The following CENPW variants were observed in gnomAD, a reference collection of about 807,000 sequenced individuals.
CENPW encodes the protein centromere protein W, also known as cancer-up-regulated gene 2 protein.
In CENPW, 3 loss-of-function variants were observed where a neutral mutation model predicts 11.1. That is an observed-to-expected ratio of 0.27 (90% CI 0.12 to 0.70). The LOEUF is 0.70. Among genes scored for constraint, CENPW ranks in the 30% least tolerant of loss-of-function variants. The probability of loss-of-function intolerance (pLI) is 0.77; values close to 1 mark genes in which losing one functional copy is unlikely to be tolerated. For synonymous variants in CENPW, 38 were observed against 42.0 expected, an observed-to-expected ratio of 0.91 and a Z score of 0.37; for missense variants, 100 against 105.6, an observed-to-expected ratio of 0.95 and a Z score of 0.23.
the CENPW span, among the ~76,000 whole-genome samples, chr6:126,476,628 G>A: frequency 6.6e-5 from 10 of 151,918 alleles, no homozygotes; most frequent in African/African-American, 2.4e-4. Flanking sequence ...TTGTAATTCT[G>A]ATACGGGATT....
At chr6:126,444,613 C>G in the CENPW span, among the ~76,000 whole-genome samples, 1 of 150,858 alleles carries the variant, frequency 6.6e-6, no homozygotes, top group Non-Finnish European at 1.5e-5. Flanking sequence ...TCATTTCTGA[C>G]TGTTTCTAAT....
chr6:126,463,013 A>C, the CENPW span, among the ~76,000 whole-genome samples: 13 of 152,192 alleles, frequency 8.5e-5, no homozygotes, highest in Non-Finnish European at 1.6e-4. Context: ...GCTTAATGGG[A>C]CAAGTTTAGG....
chr6:126,381,946 G>A, the CENPW span, among the ~76,000 whole-genome samples: 7 of 152,168 alleles, frequency 4.6e-5, no homozygotes, highest in East Asian at 7.7e-4. Flanking sequence ...ACCTCAGAGC[G>A]CAATTAAACC....
chr6:126,457,399 A>G, the CENPW span, among the ~76,000 whole-genome samples: 4 of 151,492 alleles, frequency 2.6e-5, no homozygotes, highest in East Asian at 7.8e-4. Flanking sequence ...GAACGAGATC[A>G]CGTCTTTGCA....
At chr6:126,482,684 ACT>A in the CENPW span, among the ~76,000 whole-genome samples, 1 of 151,748 alleles carries the variant, frequency 6.6e-6, no homozygotes, top group Admixed American at 6.6e-5. Flanking sequence ...GTATTTCTGA[ACT>A]CTCTAATTTG....
the CENPW span, among the ~76,000 whole-genome samples, chr6:126,411,722 G>C: frequency 3.9e-5 from 6 of 152,116 alleles, no homozygotes; most frequent in African/African-American, 1.4e-4. Context: ...AGGTTTGGAG[G>C]TTTGGGCCAA....
At chr6:126,381,640 C>G in the CENPW span, among the ~76,000 whole-genome samples, 1 of 152,170 alleles carries the variant, frequency 6.6e-6, no homozygotes. Flanking sequence ...CTGCCGCCAG[C>G]CAACCAACAT....
downstream of CENPW, among the ~76,000 whole-genome samples, chr6:126,351,465 G>A (rs1224025472): frequency 6.6e-6 from 1 of 152,024 alleles, no homozygotes; most frequent in Non-Finnish European, 1.5e-5. Context: ...TGTGTCGTCT[G>A]GGGTGTTTAT....
chr6:126,378,249 T>G, the CENPW span, among the ~76,000 whole-genome samples: 1 of 152,178 alleles, frequency 6.6e-6, no homozygotes. Flanking sequence ...CTACCAATGA[T>G]TTCATACATT....
the CENPW span, among the ~76,000 whole-genome samples, chr6:126,365,280 C>G: frequency 1.3e-5 from 2 of 152,130 alleles, no homozygotes; most frequent in African/African-American, 2.4e-5. Flanking sequence ...CTGTATTAGT[C>G]TGTTGTCACA....
chr6:126,447,217 T>G, the CENPW span, among the ~76,000 whole-genome samples: 3 of 151,182 alleles, frequency 2.0e-5, no homozygotes, highest in Non-Finnish European at 4.5e-5. Context: ...AATCTGCATT[T>G]TATACATGTG....
At chr6:126,461,911 A>G in the CENPW span, among the ~76,000 whole-genome samples, 1 of 152,030 alleles carries the variant, frequency 6.6e-6, no homozygotes, top group East Asian at 1.9e-4. Context: ...CCTGAATTAT[A>G]CTCTTTAGGA....
At chr6:126,464,118 T>C in the CENPW span, among the ~76,000 whole-genome samples, 7 of 152,170 alleles carry the variant, frequency 4.6e-5, no homozygotes, top group African/African-American at 1.7e-4. Context: ...GGATAATACA[T>C]CACGATCAAA....
At chr6:126,442,996 T>C in the CENPW span, among the ~76,000 whole-genome samples, 1 of 151,302 alleles carries the variant, frequency 6.6e-6, no homozygotes. Flanking sequence ...ATAGTGCTAA[T>C]GTAATTTTAT....
the CENPW span, among the ~76,000 whole-genome samples, chr6:126,452,924 C>G: frequency 6.6e-6 from 1 of 151,032 alleles, no homozygotes; most frequent in Non-Finnish European, 1.5e-5. Context: ...AATGATTTGA[C>G]TTTCTGTAAT....
At chr6:126,359,016 G>A in the CENPW span, among the ~76,000 whole-genome samples, 2 of 151,356 alleles carry the variant, frequency 1.3e-5, no homozygotes, top group Non-Finnish European at 2.9e-5. Context: ...TAGGTGCAAA[G>A]TTAGATAGTT....
chr6:126,477,345 T>C, the CENPW span, among the ~76,000 whole-genome samples: 2 of 151,952 alleles, frequency 1.3e-5, no homozygotes, highest in African/African-American at 4.8e-5. Context: ...CCAAAAGAGA[T>C]TGGCATGAGA....
chr6:126,455,402 C>G, the CENPW span, among the ~76,000 whole-genome samples: 16 of 151,210 alleles, frequency 1.1e-4, no homozygotes, highest in Non-Finnish European at 1.9e-4. Context: ...TCTTGTGATG[C>G]AAAGTGTTTC....
chr6:126,465,784 G>T, the CENPW span, among the ~76,000 whole-genome samples: 1 of 152,052 alleles, frequency 6.6e-6, no homozygotes, highest in Non-Finnish European at 1.5e-5. Context: ...TTTTCCAACA[G>T]ATAATGCTGG....
Sources: allele counts gnomAD v4.1 joint callset (sites outside exome capture counted in the v4.1 genomes callset), GRCh38; gene constraint gnomAD v4.1.1; transcripts MANE v1.5; gene names NCBI Gene and HGNC (gene_info 2026-07-23, HGNC 2026-07-21).